Variants in SEMA6D observed in about 807,000 individuals in gnomAD.
SEMA6D encodes semaphorin-6D.
In SEMA6D, 35 loss-of-function variants were observed where a neutral mutation model predicts 106.6. That is an observed-to-expected ratio of 0.33 (90% CI 0.25 to 0.44). SEMA6D has a LOEUF of 0.44. SEMA6D is among the 20% of genes least tolerant of loss of function. The pLI is 1.00. For synonymous variants in SEMA6D, 499 were observed against 487.7 expected, an observed-to-expected ratio of 1.02 and a Z score of -0.31; for missense variants, 1,185 against 1,345.9, an observed-to-expected ratio of 0.88 and a Z score of 1.87.
At chr15:47,657,028 G>A (rs979981010) in intron 4 of SEMA6D, among the ~76,000 whole-genome samples, 1 of 152,176 alleles carries the variant, frequency 6.6e-6, no homozygotes, top group Non-Finnish European at 1.5e-5. Context: ...AAATTGTATC[G>A]AATGCCAGAT....
intron 4 of SEMA6D, among the ~76,000 whole-genome samples, chr15:47,685,479 C>T (rs1469338788): frequency 6.6e-6 from 1 of 152,172 alleles, no homozygotes; most frequent in African/African-American, 2.4e-5. Context: ...GAGACTCTGT[C>T]ATTGAAGGGG....
At chr15:47,254,309 A>G (rs1219624735) in intron 1 of SEMA6D, among the ~76,000 whole-genome samples, 1 of 111,086 alleles carries the variant, frequency 9.0e-6, no homozygotes. Context: ...GTGTATATAT[A>G]TGTATATATA....
chr15:47,443,614 A>G (rs1386672695), intron 2 of SEMA6D, among the ~76,000 whole-genome samples: 1 of 152,098 alleles, frequency 6.6e-6, no homozygotes, highest in Admixed American at 6.5e-5. Context: ...CTTACAAACC[A>G]TGGGAGATAA....
At chr15:47,273,536 G>A (rs569919074) in intron 1 of SEMA6D, among the ~76,000 whole-genome samples, 1 of 152,114 alleles carries the variant, frequency 6.6e-6, no homozygotes, top group Non-Finnish European at 1.5e-5. Flanking sequence ...ATCAACATAG[G>A]TAATTTCTAT....
chr15:47,714,717 A>T (rs2079079298), upstream of SEMA6D, among the ~76,000 whole-genome samples: 1 of 152,222 alleles, frequency 6.6e-6, no homozygotes, highest in Non-Finnish European at 1.5e-5. Flanking sequence ...TTTAACAAAC[A>T]TTCTCATGCC....
chr15:47,681,966 TG>T (rs1190486815), intron 4 of SEMA6D, among the ~76,000 whole-genome samples: 2 of 152,228 alleles, frequency 1.3e-5, no homozygotes, highest in African/African-American at 4.8e-5. Flanking sequence ...TTAGGTTCAA[TG>T]GTCTAGTTGT....
At chr15:47,334,483 A>T (rs1431939134) in intron 1 of SEMA6D, among the ~76,000 whole-genome samples, 2 of 152,182 alleles carry the variant, frequency 1.3e-5, no homozygotes, top group African/African-American at 4.8e-5. Context: ...CCAGGTAGAT[A>T]GTGTCAGATT....
intron 3 of SEMA6D, among the ~76,000 whole-genome samples, chr15:47,598,004 T>C (rs1366863032): frequency 6.6e-6 from 1 of 151,964 alleles, no homozygotes; most frequent in Non-Finnish European, 1.5e-5. Context: ...TAAATAACTT[T>C]TTTAAATGAT....
At chr15:47,539,390 G>T (rs547789438) in intron 3 of SEMA6D, among the ~76,000 whole-genome samples, 5 of 149,024 alleles carry the variant, frequency 3.4e-5, no homozygotes, top group African/African-American at 1.3e-4. Context: ...GTCATTTGCC[G>T]TATAGTCCCT....
chr15:47,641,108 C>T (rs1039100389), intron 4 of SEMA6D, among the ~76,000 whole-genome samples: 3 of 152,196 alleles, frequency 2.0e-5, no homozygotes, highest in African/African-American at 7.2e-5. Context: ...CCCACTGCTG[C>T]TTCCGCCCGA....
At chr15:47,439,742 G>A (rs2140743104) in intron 2 of SEMA6D, among the ~76,000 whole-genome samples, 1 of 152,210 alleles carries the variant, frequency 6.6e-6, no homozygotes, top group East Asian at 1.9e-4. Context: ...AAGTTAAGCA[G>A]ACAATAACAA....
At chr15:47,433,308 G>A (rs773769515) in intron 2 of SEMA6D, among the ~76,000 whole-genome samples, 6 of 151,820 alleles carry the variant, frequency 4.0e-5, no homozygotes, top group Non-Finnish European at 8.8e-5. Flanking sequence ...TATTGATCTA[G>A]AGGCATTATC....
chr15:47,505,641 T>C (rs1446156575), intron 3 of SEMA6D, among the ~76,000 whole-genome samples: 1 of 152,136 alleles, frequency 6.6e-6, no homozygotes, highest in Non-Finnish European at 1.5e-5. Flanking sequence ...GAATATCTAA[T>C]TGACTCTAAA....
chr15:47,254,587 G>T (rs909317897), intron 1 of SEMA6D, among the ~76,000 whole-genome samples: 2 of 151,942 alleles, frequency 1.3e-5, no homozygotes, highest in African/African-American at 2.4e-5. Context: ...TGAGGTGTAT[G>T]TTCCCTCTGT....
In SEMA6D at chr15:47,620,956, A is replaced by T. The variant is rs531176962; in HGVS notation, c.-55+20060A>T. Among the ~76,000 whole-genome samples, 240 of 152,178 alleles carry T rather than the reference A, an allele frequency of 1.6e-3. 1 individual carries two copies. The highest frequency in any genetic ancestry group is 2.9e-3 in the Non-Finnish European group (199 of 68,022). ...TGACAGCACGGAATCCTGCCTTTGT[A>T]AAATAGGAGATCCCTAATGAAGAAG... On this transcript the variant is annotated intron_variant, in intron 4 of 19. Transcript: ENST00000558014.
chr15:47,231,774 G>T (rs2032211275), intron 1 of SEMA6D, among the ~76,000 whole-genome samples: 2 of 151,974 alleles, frequency 1.3e-5, no homozygotes, highest in South Asian at 4.1e-4. Flanking sequence ...TAAAAAATCT[G>T]TCTGAGGGTA....
chr15:47,421,320 C>T (rs749503565), intron 2 of SEMA6D, among the ~76,000 whole-genome samples: 3 of 152,092 alleles, frequency 2.0e-5, no homozygotes, highest in Non-Finnish European at 4.4e-5. Flanking sequence ...TGGTGTCTGG[C>T]TTTGCTACTT....
At chr15:47,405,569 C>T (rs1251267176) in intron 1 of SEMA6D, among the ~76,000 whole-genome samples, 1 of 152,170 alleles carries the variant, frequency 6.6e-6, no homozygotes, top group African/African-American at 2.4e-5. Flanking sequence ...GAATCAGTGC[C>T]TCAGGGTCTT....
intron 4 of SEMA6D, among the ~76,000 whole-genome samples, chr15:47,690,824 C>T (rs1030032407): frequency 6.6e-6 from 1 of 152,026 alleles, no homozygotes; most frequent in African/African-American, 2.4e-5. Context: ...AATTTTAAAC[C>T]TTAAAAAGGT....
Sources: gnomAD v4.1 joint callset for allele counts (sites outside exome capture counted in the v4.1 genomes callset) on GRCh38, gnomAD v4.1.1 for gene constraint, MANE v1.5 for transcripts, NCBI Gene and HGNC (gene_info 2026-07-23, HGNC 2026-07-21) for gene names.